The following PUM2 variants were observed in gnomAD, a reference collection of about 807,000 sequenced individuals.
PUM2 encodes the protein pumilio homolog 2.
A neutral mutation model predicts 124.5 loss-of-function variants in PUM2; 57 were observed. That is an observed-to-expected ratio of 0.46 (90% CI 0.37 to 0.57). The LOEUF (loss-of-function observed/expected upper bound fraction) is 0.57. PUM2 is among the 20% of genes least tolerant of loss of function. The pLI is 0.00. For synonymous variants in PUM2, 460 were observed against 446.1 expected, an observed-to-expected ratio of 1.03 and a Z score of -0.39; for missense variants, 1,065 against 1,290.6, an observed-to-expected ratio of 0.83 and a Z score of 2.68.
At chr2:20,297,774 G>A (rs189207587) in intron 7 of PUM2, 96 bp from the exon 8 acceptor site, 274 of 1,314,992 alleles carry the variant, frequency 2.1e-4, no homozygotes, top group Non-Finnish European at 2.6e-4. Context: ...GGGGTGGTGT[G>A]GGGGTGGGGA....
At chr2:20,325,151 G>A (rs1432946272) in intron 2 of PUM2, among the ~76,000 whole-genome samples, 1 of 152,204 alleles carries the variant, frequency 6.6e-6, no homozygotes, top group African/African-American at 2.4e-5. Context: ...AGAAAGGCTT[G>A]TGGGAGAGAG....
intron 8 of PUM2, 28 bp downstream of exon 8, chr2:20,297,525 T>C: frequency 6.5e-7 from 1 of 1,530,466 alleles, no homozygotes; most frequent in South Asian, 1.3e-5. Context: ...AAAGCAACCA[T>C]AATAAAGATG....
intron 1 of PUM2, among the ~76,000 whole-genome samples, chr2:20,340,290 T>G (rs1419821217): frequency 2.0e-5 from 3 of 152,224 alleles, no homozygotes; most frequent in Non-Finnish European, 4.4e-5. Context: ...CAATGTAAGA[T>G]AGGACTAATC....
At chr2:20,262,682 T>G (rs1318963322) in intron 14 of PUM2, among the ~76,000 whole-genome samples, 1 of 152,242 alleles carries the variant, frequency 6.6e-6, no homozygotes, top group Non-Finnish European at 1.5e-5. Flanking sequence ...GTGTTACAAT[T>G]CTATTTTCCT....
chr2:20,257,216 A>T (rs983506943), intron 16 of PUM2, among the ~76,000 whole-genome samples: 1 of 152,134 alleles, frequency 6.6e-6, no homozygotes, highest in Admixed American at 6.5e-5. Flanking sequence ...GCTTTTAAAT[A>T]ATTAAATGTG....
intron 7 of PUM2, among the ~76,000 whole-genome samples, chr2:20,301,174 G>A (rs912704770): frequency 6.6e-6 from 1 of 152,156 alleles, no homozygotes; most frequent in African/African-American, 2.4e-5. Flanking sequence ...CATGTTGTCA[G>A]GACTTCCTGA....
chr2:20,325,823 G>A (rs759770974), intron 2 of PUM2, among the ~76,000 whole-genome samples: 16 of 152,072 alleles, frequency 1.1e-4, no homozygotes, highest in South Asian at 4.2e-4. Flanking sequence ...GGGTTTCACC[G>A]TATTAGCCAG....
chr2:20,334,019 C>A (rs1413488437), intron 1 of PUM2, among the ~76,000 whole-genome samples: 2 of 152,146 alleles, frequency 1.3e-5, no homozygotes, highest in Non-Finnish European at 2.9e-5. Context: ...TTTCCCGAGG[C>A]CTCCCCAGAA....
rs114170148 is a variant in PUM2 at position 20,299,334 on chromosome 2, A to G, written c.884-1656T>C. The stretch of plus-strand genomic sequence containing the variant: ...AACCGCCCACACATTTGGTCACAGA[A>G]GTAGTCTGTGTTGTCATGGCATGAG... On this transcript the variant is annotated intron_variant, in intron 7 of 20. Coordinates refer to ENST00000361078, the MANE Select transcript of PUM2 (RefSeq NM_015317.5). Among the ~76,000 whole-genome samples, 243 of 152,118 alleles carry G rather than the reference A, an allele frequency of 1.6e-3. 1 individual carries two copies. Among genetic ancestry groups the G allele is most frequent in the African/African-American group, 5.6e-3 (233 of 41,492 alleles).
chr2:20,272,791 ATGTC>A (rs1237586319), intron 13 of PUM2, among the ~76,000 whole-genome samples: 3 of 152,206 alleles, frequency 2.0e-5, no homozygotes, highest in Non-Finnish European at 4.4e-5. Flanking sequence ...AAAATATGGT[ATGTC>A]CTTCCATTTA....
At chr2:20,278,935 T>C in intron 12 of PUM2, 116 bp from the exon 13 acceptor site, 1 of 774,222 alleles carries the variant, frequency 1.3e-6, no homozygotes, top group Non-Finnish European at 2.1e-6. Flanking sequence ...TTAGAAACAT[T>C]TTGGAGAAGA....
In PUM2 at chr2:20,311,601, T is replaced by A. The variant is rs755020567; in HGVS notation, c.411A>T (p.Pro137=). Residue 137 remains proline, a synonymous_variant, in exon 5 of 21, where the codon CCA becomes CCT. Coordinates refer to ENST00000361078, the MANE Select transcript of PUM2 (RefSeq NM_015317.5). ...EKGDQKGKAS[P]FEEDQNRDLK... is the part of the protein sequence containing the mutation. ...GATCTCTGTTTTGGTCCTCCTCAAA[T>A]GGAGAAGCCTTGCCTTTTTGATCTC... is the stretch of plus-strand genomic sequence containing the variant. 4.3e-6 allele frequency: 7 copies of A among 1,613,472 alleles called. No individual in the cohort carries two copies. The African/African-American group carries it at 9.3e-5, about 22-fold the overall frequency.
intron 1 of PUM2, among the ~76,000 whole-genome samples, chr2:20,338,656 G>T: frequency 6.6e-6 from 1 of 152,124 alleles, no homozygotes; most frequent in East Asian, 1.9e-4. Context: ...AACTGTTCTG[G>T]TTATACCAGT....
rs916168587 is a variant in PUM2, at chr2:20,249,270, A to G, written c.*2315T>C. The G allele has an allele frequency of 5.3e-5, 8 of 152,332 alleles. No individual in the cohort carries two copies. The highest frequency in any genetic ancestry group is 8.8e-5 in the Non-Finnish European group (6 of 68,074). 9.4% of individuals were successfully genotyped at this position (152,332 alleles called of 1,614,324 possible). On this transcript the variant is annotated 3_prime_UTR_variant, in exon 21 of 21. Coordinates refer to ENST00000361078, the MANE Select transcript of PUM2 (RefSeq NM_015317.5). ...AGGAAAGCCATTACCAATCTCCAAC[A>G]TGACAGCTTTGATCCTGAAACCATG... is the stretch of plus-strand genomic sequence containing the variant.
Position 20,257,883 on chromosome 2 carries a change from C to G in PUM2, c.2484+360G>C, listed in dbSNP as rs1423481903. ...TAAATAAAACTGACATATAGTAATG[C>G]TATTGGTTCCAAAAATTTTCTTCTT... is the stretch of plus-strand genomic sequence containing the variant. On this transcript the variant is annotated intron_variant, in intron 16 of 20. Coordinates refer to ENST00000361078, the MANE Select transcript of PUM2 (RefSeq NM_015317.5). Among the ~76,000 whole-genome samples, 5 of 152,058 alleles carry G rather than the reference C, an allele frequency of 3.3e-5. No homozygotes were observed. In the South Asian group the frequency reaches 6.2e-4, roughly 19 times the overall value.
intron 13 of PUM2, among the ~76,000 whole-genome samples, chr2:20,264,949 T>C (rs1667289037): frequency 6.6e-6 from 1 of 152,132 alleles, no homozygotes; most frequent in South Asian, 2.1e-4. Context: ...TTACATAGCA[T>C]ATTATGCATT....
At chr2:20,302,666 A>T (rs777396113) in intron 7 of PUM2, among the ~76,000 whole-genome samples, 3 of 152,178 alleles carry the variant, frequency 2.0e-5, no homozygotes, top group Non-Finnish European at 4.4e-5. Flanking sequence ...CACTATTTTA[A>T]TTGTCATAGT....
At chr2:20,331,997 T>C (rs999562343) in intron 1 of PUM2, 2 of 152,222 alleles carry the variant, frequency 1.3e-5, no homozygotes, top group African/African-American at 4.8e-5. Flanking sequence ...TGATAAACTG[T>C]AAAATTTGAG....
intron 3 of PUM2, among the ~76,000 whole-genome samples, chr2:20,313,733 A>G: frequency 6.8e-6 from 1 of 147,958 alleles, no homozygotes; most frequent in Admixed American, 6.9e-5. Context: ...AGGAGGTGAG[A>G]GCTGAGGGGG....
Sources: allele counts gnomAD v4.1 joint callset (sites outside exome capture counted in the v4.1 genomes callset), GRCh38; gene constraint gnomAD v4.1.1; transcripts MANE v1.5; gene names NCBI Gene and HGNC (gene_info 2026-07-23, HGNC 2026-07-21).